Variants in IL1R2 observed in about 807,000 individuals in gnomAD.
IL1R2 encodes interleukin 1 receptor type 2.
A neutral mutation model predicts 39.5 loss-of-function variants in IL1R2; 46 were observed. The observed-to-expected ratio is 1.16, with a 90% confidence interval of 0.92 to 1.49. The LOEUF (loss-of-function observed/expected upper bound fraction) is 1.49, where lower values mean the gene tolerates loss of function less well. Among genes scored for constraint, IL1R2 ranks in the 40% most tolerant of loss-of-function variants. IL1R2 has a pLI of 0.00. For synonymous variants in IL1R2, 207 were observed against 189.6 expected, an observed-to-expected ratio of 1.09 and a Z score of -0.75; for missense variants, 537 against 502.0, an observed-to-expected ratio of 1.07 and a Z score of -0.67.
At chr2:102,020,577 T>C (rs1443048169) in intron 5 of IL1R2, among the ~76,000 whole-genome samples, 2 of 152,318 alleles carry the variant, frequency 1.3e-5, no homozygotes, top group East Asian at 3.9e-4. Context: ...ATAATTGGTC[T>C]ATAAGGGGAA....
intron 8 of IL1R2, 34 bp downstream of exon 8, chr2:102,026,287 A>C (rs1677744070): frequency 1.3e-6 from 2 of 1,517,802 alleles, no homozygotes; most frequent in African/African-American, 2.8e-5. Flanking sequence ...CTATAGGAGA[A>C]TATAACATGT....
intron 5 of IL1R2, among the ~76,000 whole-genome samples, chr2:102,021,770 G>A (rs1677417110): frequency 6.6e-6 from 1 of 152,248 alleles, no homozygotes; most frequent in Non-Finnish European, 1.5e-5. Context: ...TTTTCTAGAA[G>A]AACTGAGTCT....
At chr2:102,017,046 A>G (rs1269828027) in intron 4 of IL1R2, among the ~76,000 whole-genome samples, 1 of 152,234 alleles carries the variant, frequency 6.6e-6, no homozygotes, top group Non-Finnish European at 1.5e-5. Flanking sequence ...TTGTCTACAA[A>G]AATGTAGAAA....
At chr2:102,004,740 T>G (rs943958049) in intron 1 of IL1R2, among the ~76,000 whole-genome samples, 2 of 152,358 alleles carry the variant, frequency 1.3e-5, no homozygotes, top group African/African-American at 4.8e-5. Flanking sequence ...TACAGCAATT[T>G]TGGTTCCAAC....
At chr2:101,996,508 G>C (rs896492833) in intron 1 of IL1R2, among the ~76,000 whole-genome samples, 8 of 54,206 alleles carry the variant, frequency 1.5e-4, no homozygotes, top group East Asian at 5.9e-4. Flanking sequence ...TTTTTTTTGG[G>C]GGGGAGAATG....
intron 1 of IL1R2, among the ~76,000 whole-genome samples, chr2:101,998,752 A>C (rs114728006): frequency 0.033 from 4,957 of 152,276 alleles, 277 homozygotes; most frequent in African/African-American, 0.11. Flanking sequence ...AGGTGGTCTC[A>C]GGGCAGTTGG....
At chr2:102,022,421 A>G (rs1338584060) in intron 6 of IL1R2, among the ~76,000 whole-genome samples, 172 bp downstream of exon 6, 2 of 152,198 alleles carry the variant, frequency 1.3e-5, no homozygotes, top group African/African-American at 4.8e-5. Flanking sequence ...AAGTGTGAGG[A>G]AATATTTCCC....
At chr2:102,021,124 C>A (rs368239861) in intron 5 of IL1R2, among the ~76,000 whole-genome samples, 8 of 152,242 alleles carry the variant, frequency 5.3e-5, no homozygotes, top group African/African-American at 1.9e-4. Flanking sequence ...GGTCGAAAAG[C>A]CGTCTGCCCC....
intron 4 of IL1R2, among the ~76,000 whole-genome samples, chr2:102,017,894 A>C (rs577592447): frequency 6.6e-6 from 1 of 152,320 alleles, no homozygotes; most frequent in African/African-American, 2.4e-5. Context: ...CTAGATTGAT[A>C]CTGAAAAGTA....
At position 102,013,540 on chromosome 2, in the gene IL1R2, A is replaced by G. The variant is rs1230888688; in HGVS notation, c.333-2331A>G. 6.0e-3 allele frequency among the ~76,000 whole-genome samples: 862 copies of G among 143,712 alleles called. 24 individuals carry two copies. The highest frequency in any genetic ancestry group is 0.022 in the African/African-American group (832 of 37,840). The allele number at this position is 143,712 out of a possible 152,430, so 94.3% of individuals were successfully genotyped here. A position where few individuals can be genotyped will look rare whatever the true frequency, so the allele number is the denominator to read the frequency against. On this transcript the variant is annotated intron_variant, in intron 3 of 8. Transcript: ENST00000332549. Reference sequence around the variant, plus strand: ...CTATCACTGCAAAAAAAAAAAAAAAAAAAAAAAAAAAAGGAAAGAAAGAAA... The same window carrying G: ...CTATCACTGCAAAAAAAAAAAAAAAGAAAAAAAAAAAAGGAAAGAAAGAAA...
intron 5 of IL1R2, among the ~76,000 whole-genome samples, chr2:102,020,579 T>C (rs963718048): frequency 1.3e-5 from 2 of 152,192 alleles, no homozygotes; most frequent in African/African-American, 4.8e-5. Flanking sequence ...AATTGGTCTA[T>C]AAGGGGAAAA....
At chr2:101,999,498 G>A (rs543862450) in intron 1 of IL1R2, among the ~76,000 whole-genome samples, 1 of 152,170 alleles carries the variant, frequency 6.6e-6, no homozygotes, top group African/African-American at 2.4e-5. Context: ...TGAGTTCAGT[G>A]GTTGTCTGCT....
chr2:102,028,210 T>A lies in IL1R2; in HGVS notation c.1031-16T>A. On this transcript the variant is annotated splice_polypyrimidine_tract_variant and intron_variant, in intron 8 of 8. Coordinates refer to ENST00000332549, the MANE Select transcript of IL1R2 (RefSeq NM_004633.4). ...GAGACTGTTCAGCTCCTGATGTGAC[T>A]CTGTTCTTCCCACAGCCTCCTCCAC... 6.3e-7 allele frequency: 1 copy of A among 1,598,212 alleles called. No individual in the cohort carries two copies. Among genetic ancestry groups the A allele is most frequent in the Non-Finnish European group, 8.5e-7 (1 of 1,171,070 alleles).
intron 4 of IL1R2, among the ~76,000 whole-genome samples, chr2:102,017,684 A>G (rs1677095367): frequency 6.6e-6 from 1 of 152,228 alleles, no homozygotes. Flanking sequence ...ATATTTTATG[A>G]TGTGAAAATC....
chr2:102,004,181 T>C (rs1402137554), intron 1 of IL1R2, among the ~76,000 whole-genome samples: 1 of 152,238 alleles, frequency 6.6e-6, no homozygotes, highest in African/African-American at 2.4e-5. Context: ...CTTTTCAGTC[T>C]TTTTGTAATT....
chr2:102,022,100 T>G (rs1047943600), intron 5 of IL1R2, 87 bp from the exon 6 acceptor site: 1 of 1,090,638 alleles, frequency 9.2e-7, no homozygotes, highest in Non-Finnish European at 1.4e-6. Context: ...AAAGGATAAC[T>G]TAGTTGATTA....
rs781410987 is a variant in IL1R2 at position 102,026,203 on chromosome 2, T to C, written c.980T>C (p.Val327Ala). 7.4e-6 allele frequency: 12 copies of C among 1,613,370 alleles called. No homozygotes were observed. The highest frequency in any genetic ancestry group is 1.7e-5 in the Admixed American group (1 of 59,944). The change falls in exon 8 of 9, where the codon GTT (valine) becomes GCT (alanine). Residue 327 changes from valine to alanine, a missense_variant. Coordinates refer to ENST00000332549, the MANE Select transcript of IL1R2 (RefSeq NM_004633.4). The stretch of plus-strand genomic sequence containing the variant: ...GATTTGCACATGGATTTTAAATGTG[T>C]TGTCCATAATACCCTGAGTTTTCAG... Reference protein sequence around the residue: ...REDLHMDFKCVVHNTLSFQTL... With the variant: ...REDLHMDFKCAVHNTLSFQTL...
chr2:102,016,055 C>A lies in IL1R2; in HGVS notation c.513+4C>A, dbSNP rs369253709. 1.9e-6 allele frequency: 3 copies of A among 1,589,534 alleles called. No individual in the cohort carries two copies. The South Asian group carries it at 3.4e-5, about 18-fold the overall frequency. ...CGTGAAGATTCAATGGTACAAGGTA[C>A]GGCTTTAAAAAATGCCATTTTACTA... On this transcript the variant is annotated splice_donor_region_variant and intron_variant, in intron 4 of 8. Transcript: ENST00000332549.
rs1379984372 is a variant in IL1R2 at position 102,022,984 on chromosome 2, G to A, written c.751+735G>A. On this transcript the variant is annotated intron_variant, in intron 6 of 8. Coordinates refer to ENST00000332549, the MANE Select transcript of IL1R2 (RefSeq NM_004633.4). Reference sequence around the variant, plus strand: ...TTCCAAAAGGAAAAAGCCACCCAGGGCATCACGTTGGCTCAGTGGAGGCCA... The same window carrying A: ...TTCCAAAAGGAAAAAGCCACCCAGGACATCACGTTGGCTCAGTGGAGGCCA... Among the ~76,000 whole-genome samples the A allele has an allele frequency of 1.3e-5, 2 of 152,294 alleles. 1 individual carries two copies. Among genetic ancestry groups the A allele is most frequent in the Middle Eastern group, 6.8e-3 (2 of 294 alleles).
Sources: allele counts gnomAD v4.1 joint callset (sites outside exome capture counted in the v4.1 genomes callset), GRCh38; gene constraint gnomAD v4.1.1; transcripts MANE v1.5; gene names NCBI Gene and HGNC (gene_info 2026-07-23, HGNC 2026-07-21).